The following KALRN variants were observed in gnomAD, a reference collection of about 807,000 sequenced individuals.
The protein encoded by KALRN is kalirin.
In KALRN, 70 loss-of-function variants were observed where a neutral mutation model predicts 353.7. The ratio of observed to expected loss-of-function variants is 0.20; its 90% CI spans 0.16 to 0.24. The LOEUF is 0.24. KALRN is among the 10% of genes least tolerant of loss of function. The pLI is 1.00. For synonymous variants in KALRN, 1,391 were observed against 1,434.8 expected (o/e 0.97, Z 0.69); for missense variants, 2,791 against 3,756.7 (o/e 0.74, Z 6.72).
chr3:124,053,643 C>A (rs946455441), intron 1 of KALRN, among the ~76,000 whole-genome samples: 6 of 152,160 alleles, frequency 3.9e-5, no homozygotes, highest in African/African-American at 1.4e-4. Flanking sequence ...GAGTGACTGA[C>A]GGTTGGACAG....
At chr3:124,446,079 G>T in intron 19 of KALRN, 82 bp from the exon 20 acceptor site, 1 of 791,644 alleles carries the variant, frequency 1.3e-6, no homozygotes, top group South Asian at 1.6e-5. Context: ...TGGTCACCTG[G>T]CACCTGGGCC....
At position 124,665,310 on chromosome 3, in the gene KALRN, G is replaced by C. The variant is rs138578281; in HGVS notation, c.6346-1139G>C. Among the ~76,000 whole-genome samples, 399 of 152,250 alleles carry C rather than the reference G, an allele frequency of 2.6e-3. 1 individual carries two copies. Among genetic ancestry groups the C allele is most frequent in the African/African-American group, 9.1e-3 (380 of 41,546 alleles). On this transcript the variant is annotated intron_variant, in intron 45 of 59. Transcript: ENST00000682506. Reference sequence around the variant, plus strand: ...AGAGTCTGGGAAGACTTTCTGGGTTGGGCCATATTCCCTTTGAAGCTGTGA... The same window carrying C: ...AGAGTCTGGGAAGACTTTCTGGGTTCGGCCATATTCCCTTTGAAGCTGTGA...
At chr3:124,128,964 C>A (rs975701722) in intron 1 of KALRN, among the ~76,000 whole-genome samples, 1 of 152,018 alleles carries the variant, frequency 6.6e-6, no homozygotes, top group Admixed American at 6.6e-5. Context: ...CTTTCCATCC[C>A]AGAAAATCAT....
chr3:124,268,844 C>G lies in KALRN; in HGVS notation c.558C>G (p.Ile186Met). 1 of 1,614,086 alleles carries G rather than the reference C, an allele frequency of 6.2e-7. No individual in the cohort carries two copies. The highest frequency in any genetic ancestry group is 8.5e-7 in the Non-Finnish European group (1 of 1,180,018). ...TGGACTACAACCATGAGGAGTGGAT[C>G]GAACTGCGGCTCTCCCTGGAGGAGT... ...GSLDYNHEEW[I>M]ELRLSLEEFF... The change falls in exon 5 of 60, where the codon ATC becomes ATG. Residue 186 changes from isoleucine (I) to methionine (M), a missense_variant. This residue lies in a region of KALRN where 366 missense variants were observed against 489.2 expected (regional missense o/e 0.75). Coordinates refer to ENST00000682506, the MANE Select transcript of KALRN (RefSeq NM_001388419.1).
chr3:124,722,223 C>A lies in KALRN; in HGVS notation c.*2753C>A, dbSNP rs2063366408. The A allele has an allele frequency of 6.6e-6, 1 of 152,106 alleles. No homozygotes were observed. The highest frequency in any genetic ancestry group is 1.5e-5 in the Non-Finnish European group (1 of 68,080). 9.4% of individuals were successfully genotyped at this position (152,106 alleles called of 1,614,324 possible). A position where few individuals can be genotyped will look rare whatever the true frequency, so the allele number is the denominator to read the frequency against. On this transcript the variant is annotated 3_prime_UTR_variant, in exon 60 of 60. Transcript: ENST00000682506. The stretch of plus-strand genomic sequence containing the variant: ...TATTTTTGAAATTATGTTATGGGGG[C>A]AGTTGACAGAATGTTAGACAGACCC...
intron 1 of KALRN, among the ~76,000 whole-genome samples, chr3:124,148,052 G>C (rs929482042): frequency 1.3e-5 from 2 of 152,184 alleles, no homozygotes; most frequent in African/African-American, 4.8e-5. Context: ...ATTAATGAAA[G>C]TGGGAAGGAT....
chr3:124,096,023 A>T (rs1459915339), intron 1 of KALRN: 1 of 152,092 alleles, frequency 6.6e-6, no homozygotes, highest in Admixed American at 6.6e-5. Flanking sequence ...ACACACTAAA[A>T]GCAGTTTCTC....
intron 5 of KALRN, among the ~76,000 whole-genome samples, chr3:124,281,464 T>C (rs1003525210): frequency 3.9e-5 from 6 of 152,132 alleles, no homozygotes; most frequent in African/African-American, 1.2e-4. Flanking sequence ...GGCATTCAGC[T>C]CCCATCCCTC....
chr3:124,659,600 G>C, intron 43 of KALRN, 143 bp downstream of exon 43: 2 of 602,030 alleles, frequency 3.3e-6, no homozygotes, highest in Non-Finnish European at 6.0e-6. Context: ...TGGTAGGGAC[G>C]TGGGAACTTT....
chr3:124,388,668 C>T (rs926563867), intron 11 of KALRN, among the ~76,000 whole-genome samples: 4 of 152,132 alleles, frequency 2.6e-5, no homozygotes, highest in African/African-American at 9.7e-5. Context: ...CTTGAGCTCT[C>T]CAGATATTGT....
intron 1 of KALRN, among the ~76,000 whole-genome samples, chr3:124,044,848 TCCC>T (rs2040303095): frequency 3.1e-5 from 2 of 63,872 alleles, no homozygotes; most frequent in Non-Finnish European, 6.0e-5. Flanking sequence ...CCTCCCTCCC[TCCC>T]TCCCTCCCTC....
chr3:124,518,582 G>T, intron 33 of KALRN: 1 of 1,597,124 alleles, frequency 6.3e-7, no homozygotes, highest in Non-Finnish European at 8.5e-7. Context: ...CTGGTGTGGG[G>T]TGCAGCCTTT....
intron 3 of KALRN, among the ~76,000 whole-genome samples, chr3:124,251,148 G>A (rs1232299670): frequency 2.0e-5 from 3 of 152,174 alleles, no homozygotes; most frequent in African/African-American, 7.2e-5. Flanking sequence ...CTGTAAGGCT[G>A]TAAAATGACC....
At chr3:124,445,627 A>G (rs926682484) in intron 19 of KALRN, among the ~76,000 whole-genome samples, 3 of 152,210 alleles carry the variant, frequency 2.0e-5, no homozygotes, top group Non-Finnish European at 4.4e-5. Flanking sequence ...AAGTGTTTAG[A>G]GGCTGTGCCG....
intron 1 of KALRN, among the ~76,000 whole-genome samples, chr3:124,173,676 C>T (rs1220680483): frequency 6.6e-6 from 1 of 152,134 alleles, no homozygotes; most frequent in Non-Finnish European, 1.5e-5. Context: ...GGTGCAATGG[C>T]GTGATCTTGG....
chr3:124,641,147 C>T (rs920932061), intron 37 of KALRN, among the ~76,000 whole-genome samples: 14 of 152,114 alleles, frequency 9.2e-5, no homozygotes, highest in African/African-American at 3.1e-4. Flanking sequence ...GTTAGGATCT[C>T]TGCTGCACAA....
At chr3:124,609,117 C>T (rs974065070) in intron 34 of KALRN, among the ~76,000 whole-genome samples, 1 of 152,110 alleles carries the variant, frequency 6.6e-6, no homozygotes, top group African/African-American at 2.4e-5. Flanking sequence ...TACATGTGCA[C>T]ACAGCTACAC....
chr3:124,586,506 T>G (rs547287305), intron 34 of KALRN, among the ~76,000 whole-genome samples: 9 of 152,290 alleles, frequency 5.9e-5, no homozygotes, highest in African/African-American at 2.2e-4. Context: ...TTGCCCGACT[T>G]TCACTCTCGC....
intron 50 of KALRN, chr3:124,678,517 G>A (rs1468553203): frequency 2.0e-6 from 1 of 492,614 alleles, no homozygotes; most frequent in Non-Finnish European, 3.6e-6. Context: ...ATTCAAGTAA[G>A]TACCTTTTTT....
Sources: gnomAD v4.1 joint callset for allele counts (sites outside exome capture counted in the v4.1 genomes callset) on GRCh38, gnomAD v4.1.1 for gene constraint, gnomAD v4.1.1 regional missense constraint, MANE v1.5 for transcripts, NCBI Gene and HGNC (gene_info 2026-07-23, HGNC 2026-07-21) for gene names.